TRMT1L: variants seen among roughly 807,000 people sequenced by gnomAD.
TRMT1L encodes the protein tRNA (guanine(27)-N(2))-dimethyltransferase.
In TRMT1L, 28 loss-of-function variants were observed where a neutral mutation model predicts 81.6. The observed-to-expected ratio is 0.34, with a 90% confidence interval of 0.25 to 0.47. The LOEUF is 0.47. Ranked by LOEUF, TRMT1L falls within the 20% of genes least tolerant of loss-of-function variation. The probability of loss-of-function intolerance (pLI) is 1.00; values close to 1 mark genes in which losing one functional copy is unlikely to be tolerated. For synonymous variants in TRMT1L, 301 were observed against 303.2 expected (o/e 0.99, Z 0.07); for missense variants, 739 against 877.1 (o/e 0.84, Z 1.99).
At position 185,123,892 on chromosome 1, in the gene TRMT1L, G is replaced by C. The variant is rs1459000239; in HGVS notation, c.1787C>G (p.Thr596Arg). The change falls in exon 13 of 15, where the codon ACA becomes AGA. Residue 596 changes from threonine (T) to arginine (R), a missense_variant. Thr to Arg is a moderately conservative substitution (Grantham distance 71, BLOSUM62 -1). Around this residue, in one of 4 missense-constraint regions of TRMT1L, gnomAD observed 196 missense variants for 232.6 expected, o/e 0.84. Transcript: ENST00000367506. ...QEENGVFIKT[T>R]DDTTTDNYIA... ...GTAATTATCTGTTGTGGTGTCATCTGTAGTTTTAATAAATACACCATTTTC... is the reference window on the plus strand; with the variant it reads ...GTAATTATCTGTTGTGGTGTCATCTCTAGTTTTAATAAATACACCATTTTC... 5 of 1,511,606 alleles carry C rather than the reference G, an allele frequency of 3.3e-6. No homozygotes were observed. Among genetic ancestry groups the C allele is most frequent in the Non-Finnish European group, 4.4e-6 (5 of 1,128,648 alleles). 93.6% of individuals were successfully genotyped at this position (1,511,606 alleles called of 1,614,324 possible).
Position 185,137,037 on chromosome 1 carries a change from A to G in TRMT1L, c.1513+569T>C, listed in dbSNP as rs541080390. ...ATGAGAAAAAAATCTGCAACTTAAC[A>G]TAGTAAGTGCTAAACTCAAAAATTC... On this transcript the variant is annotated intron_variant, in intron 10 of 14. Transcript: ENST00000367506. 7.2e-5 allele frequency among the ~76,000 whole-genome samples: 11 copies of G among 152,312 alleles called. No homozygotes were observed. The South Asian group carries it at 2.3e-3, about 32-fold the overall frequency.
chr1:185,141,715 G>GA (rs1653050008), intron 7 of TRMT1L, among the ~76,000 whole-genome samples: 1 of 152,054 alleles, frequency 6.6e-6, no homozygotes, highest in Non-Finnish European at 1.5e-5. Flanking sequence ...AAAGAGTAAA[G>GA]AAAAACGGTG....
intron 8 of TRMT1L, 71 bp from the exon 9 acceptor site, chr1:185,139,650 C>G (rs562732164): frequency 9.6e-7 from 1 of 1,040,532 alleles, no homozygotes; most frequent in African/African-American, 1.6e-5. Flanking sequence ...GTAATTATTT[C>G]TAATTATAAA....
chr1:185,130,423 T>C (rs1479041524), intron 10 of TRMT1L, among the ~76,000 whole-genome samples: 1 of 152,132 alleles, frequency 6.6e-6, no homozygotes, highest in African/African-American at 2.4e-5. Flanking sequence ...GCCAATAAAA[T>C]TTCAGAAGCA....
intron 9 of TRMT1L, among the ~76,000 whole-genome samples, chr1:185,138,079 C>T (rs1652945422): frequency 6.6e-6 from 1 of 152,146 alleles, no homozygotes; most frequent in Non-Finnish European, 1.5e-5. Context: ...GTCATTTTCA[C>T]TTTGTTTCTT....
At chr1:185,147,061 A>G in intron 4 of TRMT1L, 121 bp downstream of exon 4, 1 of 533,578 alleles carries the variant, frequency 1.9e-6, no homozygotes, top group Non-Finnish European at 3.2e-6. Flanking sequence ...GAAAGGACTC[A>G]GAGAATTTTA....
chr1:185,128,780 G>C (rs377063991), intron 10 of TRMT1L, 33 bp from the exon 11 acceptor site: 4 of 1,530,386 alleles, frequency 2.6e-6, no homozygotes, highest in African/African-American at 1.4e-5. Flanking sequence ...GAAATCAAAG[G>C]AGAAATGACT....
rs892414003 is a variant in TRMT1L at position 185,156,639 on chromosome 1, G to C, written c.74C>G (p.Pro25Arg). Reference protein sequence around the residue: ...EEVEVAQVQVPTPARDSAGVP... With the variant: ...EEVEVAQVQVRTPARDSAGVP... ...CCCAGCCGAGTCCCGGGCCGGGGTCGGGACCTGGACCTGGGCCACCTCCAC... is the reference window on the plus strand; with the variant it reads ...CCCAGCCGAGTCCCGGGCCGGGGTCCGGACCTGGACCTGGGCCACCTCCAC... Residue 25 changes from proline (P) to arginine (R), a missense_variant, in exon 1 of 15, where the codon CCG (proline) becomes CGG (arginine). Coordinates refer to ENST00000367506, the MANE Select transcript of TRMT1L (RefSeq NM_030934.5). 2 of 1,607,568 alleles carry C rather than the reference G, an allele frequency of 1.2e-6. No individual in the cohort carries two copies. The highest frequency in any genetic ancestry group is 1.7e-6 in the Non-Finnish European group (2 of 1,177,272).
chr1:185,150,623 A>C, intron 2 of TRMT1L, 131 bp from the exon 3 acceptor site: 1 of 677,918 alleles, frequency 1.5e-6, no homozygotes, highest in Non-Finnish European at 2.6e-6. Context: ...GGGAGAAGTC[A>C]TTATTCTTGA....
intron 3 of TRMT1L, among the ~76,000 whole-genome samples, chr1:185,148,859 T>C (rs190690995): frequency 5.8e-4 from 89 of 152,342 alleles, no homozygotes; most frequent in African/African-American, 1.9e-3. Flanking sequence ...TTAGTAGTAC[T>C]ACTAAGAAAA....
chr1:185,156,652 G>C lies in TRMT1L; in HGVS notation c.61C>G (p.Gln21Glu). 3 of 1,610,572 alleles carry C rather than the reference G, an allele frequency of 1.9e-6. No individual in the cohort carries two copies. The highest frequency in any genetic ancestry group is 2.5e-6 in the Non-Finnish European group (3 of 1,178,734). Residue 21 changes from glutamine (Q) to glutamate (E), a missense_variant, in exon 1 of 15, where the codon CAG becomes GAG. Gln to Glu is a conservative substitution (Grantham distance 29). Transcript: ENST00000367506. Reference protein sequence around the residue: ...PLEKEEVEVAQVQVPTPARDS... With the variant: ...PLEKEEVEVAEVQVPTPARDS... ...CGGGCCGGGGTCGGGACCTGGACCT[G>C]GGCCACCTCCACCTCCTCCTTCTCC...
At chr1:185,150,830 A>AT (rs1238080193) in intron 2 of TRMT1L, among the ~76,000 whole-genome samples, 1 of 152,234 alleles carries the variant, frequency 6.6e-6, no homozygotes, top group Non-Finnish European at 1.5e-5. Context: ...TGGACAGCTG[A>AT]AAGGACAGCA....
chr1:185,139,673 TA>T, intron 8 of TRMT1L, 94 bp from the exon 9 acceptor site: 2 of 888,316 alleles, frequency 2.3e-6, no homozygotes, highest in South Asian at 4.2e-5. Flanking sequence ...TCCATGGATT[TA>T]AAAATACATT....
chr1:185,118,721 G>C lies in TRMT1L; in HGVS notation c.*1298C>G, dbSNP rs375731369. 1 of 151,908 alleles carries C rather than the reference G, an allele frequency of 6.6e-6. No homozygotes were observed. The highest frequency in any genetic ancestry group is 1.5e-5 in the Non-Finnish European group (1 of 67,964). The allele number at this position is 151,908 out of a possible 1,614,324, so 9.4% of individuals were successfully genotyped here. ...GGAAAATAAACTCTCTTGGGAATAC[G>C]CTGTACTAGCACGAAGAGATTTTCC... On this transcript the variant is annotated 3_prime_UTR_variant, in exon 15 of 15. Transcript: ENST00000367506.
intron 1 of TRMT1L, among the ~76,000 whole-genome samples, chr1:185,154,586 T>C (rs1653443280): frequency 6.6e-6 from 1 of 152,220 alleles, no homozygotes; most frequent in Non-Finnish European, 1.5e-5. Flanking sequence ...CAAAGATCTG[T>C]GTATGTAAAA....
chr1:185,133,229 GCTTT>G (rs1652817391), intron 10 of TRMT1L, among the ~76,000 whole-genome samples: 1 of 152,116 alleles, frequency 6.6e-6, no homozygotes, highest in Admixed American at 6.5e-5. Flanking sequence ...ATATGAATCA[GCTTT>G]TATTTTTATT....
intron 1 of TRMT1L, among the ~76,000 whole-genome samples, chr1:185,152,683 C>A (rs969114229): frequency 6.6e-6 from 1 of 151,928 alleles, no homozygotes; most frequent in African/African-American, 2.4e-5. Flanking sequence ...AGCAACAGAA[C>A]TTGGGATATG....
At chr1:185,147,124 T>C (rs1267190145) in intron 4 of TRMT1L, 58 bp downstream of exon 4, 1 of 1,264,896 alleles carries the variant, frequency 7.9e-7, no homozygotes, top group African/African-American at 1.5e-5. Context: ...TAAGTAAAAA[T>C]TATGCTTTCT....
rs1653357826 is a variant in TRMT1L at position 185,151,806 on chromosome 1, A to C, written c.346+19T>G. The C allele has an allele frequency of 1.3e-6, 2 of 1,516,398 alleles. No homozygotes were observed. The highest frequency in any genetic ancestry group is 2.3e-5 in the Admixed American group (1 of 43,230). 93.9% of individuals were successfully genotyped at this position (1,516,398 alleles called of 1,614,324 possible). A position where few individuals can be genotyped will look rare whatever the true frequency, so the allele number is the denominator to read the frequency against. ...TTATTAGAAACTAAGAAAAAAAAAA[A>C]ACCCAAACATGGAAATACCTGCATC... On this transcript the variant is annotated intron_variant, in intron 2 of 14. Transcript: ENST00000367506.
Sources: gnomAD v4.1 joint callset for allele counts (sites outside exome capture counted in the v4.1 genomes callset) on GRCh38, gnomAD v4.1.1 for gene constraint, gnomAD v4.1.1 regional missense constraint, MANE v1.5 for transcripts, NCBI Gene and HGNC (gene_info 2026-07-23, HGNC 2026-07-21) for gene names.